SLC20A2: variants seen among roughly 807,000 people sequenced by gnomAD.
SLC20A2 encodes solute carrier family 20 member 2.
A neutral mutation model predicts 61.0 loss-of-function variants in SLC20A2; 30 were observed. The observed-to-expected ratio is 0.49, with a 90% CI of 0.37 to 0.67. The LOEUF (loss-of-function observed/expected upper bound fraction) is 0.67. Ranked by LOEUF, SLC20A2 falls within the 30% of genes least tolerant of loss-of-function variation. The pLI is 0.00. For synonymous variants in SLC20A2, 351 were observed against 353.3 expected (o/e 0.99, Z 0.07); for missense variants, 626 against 866.4 (o/e 0.72, Z 3.48).
chr8:42,492,693 CTTT>C (rs879941614), intron 1 of SLC20A2, among the ~76,000 whole-genome samples: 1 of 144,874 alleles, frequency 6.9e-6, no homozygotes. Context: ...ACTTGGTTTT[CTTT>C]TTTTTTTTTT....
At chr8:42,471,616 A>T (rs1211830595) in intron 2 of SLC20A2, among the ~76,000 whole-genome samples, 1 of 152,212 alleles carries the variant, frequency 6.6e-6, no homozygotes, top group African/African-American at 2.4e-5. Flanking sequence ...CTTCTTTAGA[A>T]CTTAAACTGT....
chr8:42,431,742 A>G (rs1306232591), intron 8 of SLC20A2, among the ~76,000 whole-genome samples: 4 of 152,218 alleles, frequency 2.6e-5, no homozygotes, highest in Admixed American at 2.6e-4. Flanking sequence ...GCCAATGTTC[A>G]CTTACCATTC....
intron 2 of SLC20A2, among the ~76,000 whole-genome samples, chr8:42,468,763 T>C (rs1563493800): frequency 6.6e-6 from 1 of 151,174 alleles, no homozygotes; most frequent in Non-Finnish European, 1.5e-5. Flanking sequence ...GGTGGCAGAG[T>C]GTGGCTGGGC....
In SLC20A2 at chr8:42,495,801, G is replaced by A. The variant is rs891361388; in HGVS notation, c.-265+5230C>T. Among the ~76,000 whole-genome samples the A allele has an allele frequency of 2.0e-5, 3 of 151,216 alleles. No homozygotes were observed. The South Asian group carries it at 6.3e-4, about 32-fold the overall frequency. ...GTCTTGTTCTGTTGCCTAGGCTGGA[G>A]TGCAGTGGTGTGATCTTGGCTCACT... On this transcript the variant is annotated intron_variant, in intron 1 of 10. Transcript: ENST00000520262.
At chr8:42,522,083 C>T (rs1403538207) in intron 1 of SLC20A2, among the ~76,000 whole-genome samples, 1 of 120,666 alleles carries the variant, frequency 8.3e-6, no homozygotes, top group African/African-American at 2.5e-5. Flanking sequence ...AGACATAAAC[C>T]ATTTTTCCTA....
At chr8:42,507,378 TAAA>T (rs1235137433) in intron 1 of SLC20A2, among the ~76,000 whole-genome samples, 8 of 133,362 alleles carry the variant, frequency 6.0e-5, no homozygotes, top group Admixed American at 1.5e-4. Context: ...CCTCTTCAGC[TAAA>T]AAAAAAAAAA....
At position 42,473,228 on chromosome 8, in the gene SLC20A2, C is replaced by T. The variant is rs11991874; in HGVS notation, c.-264-574G>A. ...GTGACCAAGGCAGGAACTGACAGGC[C>T]CCAGAGAGGAAAAGAGAAGCCTGGA... On this transcript the variant is annotated intron_variant, in intron 1 of 10. Transcript: ENST00000520262. Among the ~76,000 whole-genome samples the T allele has an allele frequency of 6.2e-3, 944 of 152,208 alleles. 9 individuals carry two copies. Among genetic ancestry groups the T allele is most frequent in the African/African-American group, 0.022 (903 of 41,516 alleles).
chr8:42,417,659 G>C lies in SLC20A2; in HGVS notation c.*144C>G, dbSNP rs1334440232. Reference sequence around the variant, plus strand: ...GCAGCCTGGGTGAACAGTGTGGGATGGAGCCTCCTGGAAGGGAGGCAGAGA... The same window carrying C: ...GCAGCCTGGGTGAACAGTGTGGGATCGAGCCTCCTGGAAGGGAGGCAGAGA... On this transcript the variant is annotated 3_prime_UTR_variant, in exon 11 of 11. Coordinates refer to ENST00000520262, the MANE Select transcript of SLC20A2 (RefSeq NM_001257180.2). 1 of 812,852 alleles carries C rather than the reference G, an allele frequency of 1.2e-6. No homozygotes were observed. The highest frequency in any genetic ancestry group is 1.7e-5 in the African/African-American group (1 of 58,718). The allele number at this position is 812,852 out of a possible 1,614,324, so 50.4% of individuals were successfully genotyped here.
At chr8:42,513,813 TGGGGCTTGGG>T (rs989565870) in intron 1 of SLC20A2, among the ~76,000 whole-genome samples, 1 of 152,132 alleles carries the variant, frequency 6.6e-6, no homozygotes, top group African/African-American at 2.4e-5. Context: ...AAATTCTCTC[TGGGGCTTGGG>T]GGAGATTTTG....
intron 1 of SLC20A2, chr8:42,484,837 G>C (rs1477662179): frequency 2.1e-5 from 7 of 334,056 alleles, no homozygotes; most frequent in Non-Finnish European, 3.5e-5. Flanking sequence ...AGGGCATCCA[G>C]CCAGCTGGGT....
chr8:42,501,387 G>A (rs1162855053), upstream of SLC20A2: 1 of 152,332 alleles, frequency 6.6e-6, no homozygotes, highest in South Asian at 2.1e-4. Context: ...CTTCTTTTAA[G>A]TTGTTTTTGC....
intron 5 of SLC20A2, among the ~76,000 whole-genome samples, chr8:42,449,467 C>A (rs902007252): frequency 6.6e-6 from 1 of 152,178 alleles, no homozygotes; most frequent in Non-Finnish European, 1.5e-5. Context: ...ACTTTTTATA[C>A]GAGCTCAGTC....
intron 5 of SLC20A2, among the ~76,000 whole-genome samples, chr8:42,449,840 A>G (rs1586066779): frequency 6.6e-6 from 1 of 152,342 alleles, no homozygotes; most frequent in African/African-American, 2.4e-5. Flanking sequence ...CACAGACACC[A>G]TGTCGAACAT....
chr8:42,485,465 A>C (rs1166624866), intron 1 of SLC20A2, among the ~76,000 whole-genome samples: 1 of 151,478 alleles, frequency 6.6e-6, no homozygotes, highest in Non-Finnish European at 1.5e-5. Context: ...AACATGGTGA[A>C]ACCTCATCTC....
chr8:42,501,635 C>T (rs1586218558), upstream of SLC20A2, among the ~76,000 whole-genome samples: 1 of 152,228 alleles, frequency 6.6e-6, no homozygotes, highest in East Asian at 1.9e-4. Flanking sequence ...CCACCAGAAT[C>T]CTGAAATAAA....
chr8:42,469,041 C>T (rs553937660), intron 2 of SLC20A2, among the ~76,000 whole-genome samples: 2 of 152,156 alleles, frequency 1.3e-5, no homozygotes, highest in Non-Finnish European at 2.9e-5. Context: ...GAAGCACAGA[C>T]GCCCAGGGGC....
chr8:42,485,883 T>C (rs1397503996), intron 1 of SLC20A2, among the ~76,000 whole-genome samples: 1 of 150,550 alleles, frequency 6.6e-6, no homozygotes, highest in Admixed American at 6.6e-5. Context: ...GAGGCGGAGG[T>C]TGCAGTGAGC....
At chr8:42,528,745 T>C (rs946984550) in intron 1 of SLC20A2, among the ~76,000 whole-genome samples, 1 of 151,884 alleles carries the variant, frequency 6.6e-6, no homozygotes, top group Non-Finnish European at 1.5e-5. Context: ...TGGCTTACCA[T>C]AACCTCTGCC....
intron 1 of SLC20A2, among the ~76,000 whole-genome samples, chr8:42,485,889 T>C (rs1808957149): frequency 6.7e-6 from 1 of 148,842 alleles, no homozygotes; most frequent in Non-Finnish European, 1.5e-5. Flanking sequence ...GAGGTTGCAG[T>C]GAGCCGAGAT....
Sources: allele counts gnomAD v4.1 joint callset (sites outside exome capture counted in the v4.1 genomes callset), GRCh38; gene constraint gnomAD v4.1.1; transcripts MANE v1.5; gene names NCBI Gene and HGNC (gene_info 2026-07-23, HGNC 2026-07-21).